The following SLC12A7 variants were observed in gnomAD, a reference collection of about 807,000 sequenced individuals.
SLC12A7 encodes K-Cl cotransporter 4.
In SLC12A7, 100 loss-of-function variants were observed where a neutral mutation model predicts 120.6. The observed-to-expected ratio is 0.83, with a 90% confidence interval of 0.71 to 0.98. The LOEUF is 0.98. Ranked by LOEUF, SLC12A7 falls within the 50% of genes least tolerant of loss-of-function variation. The probability of loss-of-function intolerance (pLI) is 0.00; values close to 1 mark genes in which losing one functional copy is unlikely to be tolerated. For missense variants in SLC12A7, 1,373 were observed against 1,548.1 expected, an observed-to-expected ratio of 0.89 and a Z score of 1.90; for synonymous variants, 760 against 678.0, an observed-to-expected ratio of 1.12 and a Z score of -1.88.
At chr5:1,081,270 A>G (rs937207169) in intron 9 of SLC12A7, among the ~76,000 whole-genome samples, 1 of 150,932 alleles carries the variant, frequency 6.6e-6, no homozygotes, top group African/African-American at 2.5e-5. Context: ...GACCAGCCTG[A>G]GCAACGTGGG....
At chr5:1,134,919 G>T in the SLC12A7 span, among the ~76,000 whole-genome samples, 1 of 152,136 alleles carries the variant, frequency 6.6e-6, no homozygotes, top group Non-Finnish European at 1.5e-5. Context: ...AGATTACCAG[G>T]AGTTCGAGAC....
At chr5:1,068,011 C>A (rs971090440) in intron 17 of SLC12A7, among the ~76,000 whole-genome samples, 1 of 152,240 alleles carries the variant, frequency 6.6e-6, no homozygotes, top group African/African-American at 2.4e-5. Flanking sequence ...AGCAAGAACA[C>A]CAGGGCCTTA....
intron 4 of SLC12A7, among the ~76,000 whole-genome samples, 162 bp from the exon 5 acceptor site, chr5:1,088,522 C>G (rs1445891807): frequency 2.0e-5 from 3 of 152,214 alleles, no homozygotes; most frequent in African/African-American, 7.2e-5. Context: ...GACCTGGAGG[C>G]TCCCGGGCAC....
intron 1 of SLC12A7, among the ~76,000 whole-genome samples, chr5:1,111,220 C>T (rs1215736221): frequency 1.3e-5 from 2 of 152,138 alleles, no homozygotes; most frequent in Non-Finnish European, 2.9e-5. Flanking sequence ...CTGGGGGATT[C>T]TCTCCCCAGC....
the SLC12A7 span, among the ~76,000 whole-genome samples, chr5:1,144,668 A>G: frequency 6.6e-6 from 1 of 152,208 alleles, no homozygotes; most frequent in Non-Finnish European, 1.5e-5. Context: ...GAGTACAGCT[A>G]TTTATCCATT....
At chr5:1,074,126 G>A (rs1226230233) in intron 16 of SLC12A7, among the ~76,000 whole-genome samples, 1 of 152,136 alleles carries the variant, frequency 6.6e-6, no homozygotes, top group Admixed American at 6.5e-5. Context: ...CTAGACAGGT[G>A]AGACAATGGC....
At chr5:1,075,671 T>C (rs1490047892) in intron 14 of SLC12A7, among the ~76,000 whole-genome samples, 181 bp from the exon 15 acceptor site, 2 of 152,190 alleles carry the variant, frequency 1.3e-5, no homozygotes, top group Admixed American at 6.5e-5. Context: ...CGTGGCTCCC[T>C]GGGCCCCTGT....
chr5:1,130,527 C>T, the SLC12A7 span, among the ~76,000 whole-genome samples: 5 of 151,972 alleles, frequency 3.3e-5, no homozygotes, highest in African/African-American at 9.7e-5. Context: ...TGTCCCCTCA[C>T]CTCCTTAGCC....
At chr5:1,055,556 C>T (rs1735523211) in intron 22 of SLC12A7, among the ~76,000 whole-genome samples, 1 of 152,234 alleles carries the variant, frequency 6.6e-6, no homozygotes, top group Admixed American at 6.5e-5. Flanking sequence ...ATCCCAGACG[C>T]ACGCCACACA....
At chr5:1,075,260 C>A (rs941317256) in intron 15 of SLC12A7, 111 bp downstream of exon 15, 3 of 1,446,782 alleles carry the variant, frequency 2.1e-6, no homozygotes, top group Admixed American at 4.5e-5. Context: ...TGTGAGGGCA[C>A]ACGACGCTCA....
At chr5:1,088,925 T>A in intron 4 of SLC12A7, 57 bp downstream of exon 4, 1 of 1,604,848 alleles carries the variant, frequency 6.2e-7, no homozygotes, top group Non-Finnish European at 8.5e-7. Flanking sequence ...GGGAGAGCCC[T>A]ACTGTCCAGC....
chr5:1,106,786 C>T (rs1027510179), intron 1 of SLC12A7, among the ~76,000 whole-genome samples: 2 of 152,248 alleles, frequency 1.3e-5, no homozygotes, highest in Non-Finnish European at 2.9e-5. Flanking sequence ...CGCAAGCTGC[C>T]TTCCATTTTC....
chr5:1,085,459 C>A lies in SLC12A7; in HGVS notation c.690G>T (p.Pro230=). The change falls in exon 7 of 24, where the codon CCG becomes CCT. Residue 230 remains proline, a synonymous_variant. Coordinates refer to ENST00000264930, the MANE Select transcript of SLC12A7 (RefSeq NM_006598.3). The stretch of plus-strand genomic sequence containing the variant: ...CCTCCGCCTGGAAGATGGCCGCACC[C>A]GGGGAGATGTACGTCTGTGGGAACA... ...TIEIFLTYIS[P]GAAIFQAEAA... is the part of the protein sequence containing the mutation. The A allele has an allele frequency of 1.2e-6, 2 of 1,606,864 alleles. No individual in the cohort carries two copies. Among genetic ancestry groups the A allele is most frequent in the East Asian group, 2.2e-5 (1 of 44,536 alleles).
chr5:1,061,114 C>T (rs575317163), intron 20 of SLC12A7, among the ~76,000 whole-genome samples: 1 of 41,222 alleles, frequency 2.4e-5, no homozygotes, highest in African/African-American at 4.3e-5. Flanking sequence ...TCTCACCCAC[C>T]GCACCCGCCG....
chr5:1,060,049 A>C (rs763122147), intron 21 of SLC12A7, among the ~76,000 whole-genome samples: 5 of 152,206 alleles, frequency 3.3e-5, no homozygotes, highest in Non-Finnish European at 5.9e-5. Flanking sequence ...CTAAGTTCAA[A>C]GGTCTCGGCC....
intron 9 of SLC12A7, among the ~76,000 whole-genome samples, chr5:1,080,997 CAGAG>C (rs1230184463): frequency 2.1e-5 from 3 of 144,876 alleles, no homozygotes; most frequent in South Asian, 4.2e-4. Flanking sequence ...GAGAGAGAGA[CAGAG>C]AGAGAGACAG....
chr5:1,146,061 C>T, the SLC12A7 span, among the ~76,000 whole-genome samples: 1 of 152,184 alleles, frequency 6.6e-6, no homozygotes, highest in Non-Finnish European at 1.5e-5. The surrounding 1 kb of genome is among the most constrained non-coding windows in gnomAD (Gnocchi z 6.5). Flanking sequence ...GCCTCCGTCT[C>T]CCAGAATTTG....
At position 1,111,917 on chromosome 5, in the gene SLC12A7, C is replaced by G; in HGVS notation, c.75G>C (p.Thr25=). The G allele has an allele frequency of 7.9e-7, 1 of 1,263,624 alleles. No individual in the cohort carries two copies. The highest frequency in any genetic ancestry group is 1.0e-6 in the Non-Finnish European group (1 of 1,002,524). The allele number at this position is 1,263,624 out of a possible 1,614,324, so 78.3% of individuals were successfully genotyped here. Residue 25 remains threonine (T), a synonymous_variant, in exon 1 of 24, where the codon ACG becomes ACC. Transcript: ENST00000264930. The part of the protein sequence containing the change: ...DGGGDETAER[T]EAPGTPEGPE... ...GGCCCTCGGGGGTGCCCGGAGCCTC[C>G]GTCCGCTCGGCAGTCTCGTCCCCGC...
At chr5:1,140,362 C>A in the SLC12A7 span, among the ~76,000 whole-genome samples, 1 of 152,244 alleles carries the variant, frequency 6.6e-6, no homozygotes, top group Non-Finnish European at 1.5e-5. Flanking sequence ...CACAGCCACA[C>A]CTGCGTCTCC....
Sources: allele counts gnomAD v4.1 joint callset (sites outside exome capture counted in the v4.1 genomes callset), GRCh38; gene constraint gnomAD v4.1.1; non-coding constraint Gnocchi (gnomAD v3.1); transcripts MANE v1.5; gene names NCBI Gene and HGNC (gene_info 2026-07-23, HGNC 2026-07-21).